EXOC4: variants seen among roughly 807,000 people sequenced by gnomAD.
EXOC4 encodes the protein SEC8-like 1.
In EXOC4, 71 loss-of-function variants were observed where a neutral mutation model predicts 107.2. That is an observed-to-expected ratio of 0.66 (90% CI 0.55 to 0.81). The LOEUF is 0.81. EXOC4 is among the 30% of genes least tolerant of loss of function. The pLI, the probability that EXOC4 is intolerant of heterozygous loss-of-function variation, is 0.00. For synonymous variants in EXOC4, 456 were observed against 441.2 expected, an observed-to-expected ratio of 1.03 and a Z score of -0.42; for missense variants, 1,108 against 1,189.6, an observed-to-expected ratio of 0.93 and a Z score of 1.01.
intron 7 of EXOC4, among the ~76,000 whole-genome samples, chr7:133,456,799 A>G (rs1286506453): frequency 6.6e-6 from 1 of 152,212 alleles, no homozygotes; most frequent in African/African-American, 2.4e-5. Flanking sequence ...TGTGGTGTGT[A>G]GCACACAGAA....
At chr7:133,928,436 T>G (rs1800100055) in intron 13 of EXOC4, among the ~76,000 whole-genome samples, 1 of 152,190 alleles carries the variant, frequency 6.6e-6, no homozygotes, top group South Asian at 2.1e-4. Context: ...CAAGCTGAAA[T>G]TCCCTGCCAG....
chr7:133,825,358 C>T (rs536118254), intron 11 of EXOC4, among the ~76,000 whole-genome samples: 24 of 152,122 alleles, frequency 1.6e-4, no homozygotes, highest in Non-Finnish European at 2.6e-4. Context: ...GAGTGAGACT[C>T]TGTCTCTAAA....
At chr7:133,600,061 T>TTA (rs1172595050) in intron 9 of EXOC4, among the ~76,000 whole-genome samples, 2 of 151,784 alleles carry the variant, frequency 1.3e-5, no homozygotes, top group Non-Finnish European at 2.9e-5. Context: ...CTACTGTGCC[T>TTA]GTGTAATTTT....
At chr7:133,937,799 A>G in intron 13 of EXOC4, 92 bp from the exon 14 acceptor site, 1 of 1,209,192 alleles carries the variant, frequency 8.3e-7, no homozygotes, top group Non-Finnish European at 1.2e-6. Context: ...TGCTCATGTC[A>G]GTCCTTGTGC....
At chr7:133,861,237 T>G (rs1798527332) in intron 11 of EXOC4, among the ~76,000 whole-genome samples, 1 of 152,066 alleles carries the variant, frequency 6.6e-6, no homozygotes, top group Non-Finnish European at 1.5e-5. Flanking sequence ...GAAACAATGG[T>G]TCTTAAATTT....
At chr7:133,357,071 T>A (rs1796038357) in intron 6 of EXOC4, among the ~76,000 whole-genome samples, 1 of 152,216 alleles carries the variant, frequency 6.6e-6, no homozygotes, top group South Asian at 2.1e-4. Flanking sequence ...TTTAATGTTG[T>A]TGAAAAATTC....
chr7:134,091,282 G>A, the EXOC4 span, among the ~76,000 whole-genome samples: 2 of 152,170 alleles, frequency 1.3e-5, no homozygotes, highest in African/African-American at 4.8e-5. Flanking sequence ...TTGATGATAT[G>A]CTAAACAAGG....
chr7:133,337,655 T>C (rs1584826838), intron 5 of EXOC4, among the ~76,000 whole-genome samples: 1 of 65,662 alleles, frequency 1.5e-5, no homozygotes, highest in Non-Finnish European at 3.3e-5. Flanking sequence ...TTTTTTTTTT[T>C]TGGAGTCTTG....
chr7:133,913,871 C>T (rs1799748930), intron 12 of EXOC4, among the ~76,000 whole-genome samples: 1 of 152,154 alleles, frequency 6.6e-6, no homozygotes, highest in Non-Finnish European at 1.5e-5. Context: ...TTCTGTGGAA[C>T]ACAGCATTTA....
intron 3 of EXOC4, among the ~76,000 whole-genome samples, chr7:133,298,832 G>A (rs1335141090): frequency 2.0e-5 from 3 of 152,062 alleles, no homozygotes; most frequent in East Asian, 1.9e-4. Flanking sequence ...ACTGTTTTGT[G>A]TTACAAATAT....
At chr7:133,857,390 G>T (rs1422027594) in intron 11 of EXOC4, among the ~76,000 whole-genome samples, 1 of 99,730 alleles carries the variant, frequency 1.0e-5, no homozygotes, top group Admixed American at 1.4e-4. Context: ...AACCTCCCTG[G>T]ATGATTGTCT....
At chr7:133,814,401 C>T (rs1241845226) in intron 10 of EXOC4, among the ~76,000 whole-genome samples, 1 of 152,022 alleles carries the variant, frequency 6.6e-6, no homozygotes. Context: ...GTAAATATCC[C>T]ACAGTTTATT....
intron 7 of EXOC4, among the ~76,000 whole-genome samples, chr7:133,460,175 C>A (rs1798556998): frequency 6.6e-6 from 1 of 152,130 alleles, no homozygotes; most frequent in Admixed American, 6.5e-5. Context: ...TAGTTAGATT[C>A]TCGTAAGGAG....
At chr7:133,997,049 G>A (rs1170164806) in intron 14 of EXOC4, among the ~76,000 whole-genome samples, 1 of 152,168 alleles carries the variant, frequency 6.6e-6, no homozygotes, top group Non-Finnish European at 1.5e-5. Context: ...TTCGGAGATG[G>A]AACAGGCTGC....
At chr7:133,429,213 AT>A (rs892548758) in intron 7 of EXOC4, among the ~76,000 whole-genome samples, 6 of 151,580 alleles carry the variant, frequency 4.0e-5, no homozygotes, top group African/African-American at 9.7e-5. Flanking sequence ...ATGACTTTTA[AT>A]TTTTTTTTGA....
intron 10 of EXOC4, among the ~76,000 whole-genome samples, chr7:133,676,150 G>T (rs1425812612): frequency 6.6e-6 from 1 of 151,824 alleles, no homozygotes; most frequent in African/African-American, 2.4e-5. Flanking sequence ...TTTATTGAGT[G>T]CCCGTTATGT....
Position 133,484,013 on chromosome 7 carries a change from A to G in EXOC4, c.1417+3875A>G, listed in dbSNP as rs2278099. Reference sequence around the variant, plus strand: ...CTTTGCTTCCCAGTAATTTCGGTTCATACGTCAACTTTTCCTTCCGTTGCA... The same window carrying G: ...CTTTGCTTCCCAGTAATTTCGGTTCGTACGTCAACTTTTCCTTCCGTTGCA... On this transcript the variant is annotated intron_variant, in intron 9 of 17. Coordinates refer to ENST00000253861, the MANE Select transcript of EXOC4 (RefSeq NM_021807.4). The G allele has an allele frequency of 1.6e-4, 252 of 1,613,948 alleles. No homozygotes were observed. In the East Asian group the frequency reaches 4.5e-3, roughly 29 times the overall value.
Position 133,275,105 on chromosome 7 carries a change from G to T in EXOC4, c.210G>T (p.Thr70=). The T allele has an allele frequency of 6.2e-7, 1 of 1,613,612 alleles. No individual in the cohort carries two copies. Among genetic ancestry groups the T allele is most frequent in the Non-Finnish European group, 8.5e-7 (1 of 1,179,680 alleles). ...TTGTACAGCACTACACAGAATTGAC[G>T]ACAGCCATTCGCACATACCAGAGCA... ...ELIVQHYTEL[T]TAIRTYQSIT... is the part of the protein sequence containing the mutation. The change falls in exon 2 of 18, where the codon ACG becomes ACT. Residue 70 remains threonine, a synonymous_variant. Transcript: ENST00000253861.
intron 12 of EXOC4, among the ~76,000 whole-genome samples, chr7:133,912,719 C>CA (rs948925971): frequency 2.6e-5 from 4 of 152,146 alleles, no homozygotes; most frequent in Non-Finnish European, 5.9e-5. Flanking sequence ...ACTCTGTCCT[C>CA]ATAGAACTCA....
Sources: gnomAD v4.1 joint callset for allele counts (sites outside exome capture counted in the v4.1 genomes callset) on GRCh38, gnomAD v4.1.1 for gene constraint, MANE v1.5 for transcripts, NCBI Gene and HGNC (gene_info 2026-07-23, HGNC 2026-07-21) for gene names.